Variants in HS6ST3 observed in about 807,000 individuals in gnomAD.
The protein encoded by HS6ST3 is heparan sulfate 6-O-sulfotransferase 3.
In HS6ST3, 12 loss-of-function variants were observed where a neutral mutation model predicts 36.7. That is an observed-to-expected ratio of 0.33 (90% CI 0.21 to 0.53). The LOEUF (loss-of-function observed/expected upper bound fraction) is 0.53, where lower values mean the gene tolerates loss of function less well. HS6ST3 is among the 20% of genes least tolerant of loss of function. The probability of loss-of-function intolerance (pLI) is 0.95; values close to 1 mark genes in which losing one functional copy is unlikely to be tolerated. For missense variants in HS6ST3, 584 were observed against 640.9 expected, an observed-to-expected ratio of 0.91 and a Z score of 0.96; for synonymous variants, 240 against 257.5, an observed-to-expected ratio of 0.93 and a Z score of 0.65.
intron 1 of HS6ST3, among the ~76,000 whole-genome samples, chr13:96,253,837 T>C (rs971300258): frequency 2.6e-5 from 4 of 152,234 alleles, no homozygotes; most frequent in Admixed American, 6.5e-5. Context: ...TGGGCTTTTC[T>C]ATGATGGGGC....
chr13:96,261,069 AT>A (rs1209566025), intron 1 of HS6ST3, among the ~76,000 whole-genome samples: 1 of 151,798 alleles, frequency 6.6e-6, no homozygotes, highest in African/African-American at 2.4e-5. Context: ...TGGTCATATT[AT>A]TTTTTTTATG....
At position 96,375,071 on chromosome 13, in the gene HS6ST3, C is replaced by T. The variant is rs745885680; in HGVS notation, c.707+283502C>T. ...GTAGCCATCTTGCTTCCATTCTTGT[C>T]CCTTCACTTAGAAAGCTCTCTCTTG... is the stretch of plus-strand genomic sequence containing the variant. On this transcript the variant is annotated intron_variant, in intron 1 of 1. Coordinates refer to ENST00000376705, the MANE Select transcript of HS6ST3 (RefSeq NM_153456.4). 6.2e-4 allele frequency among the ~76,000 whole-genome samples: 95 copies of T among 152,058 alleles called. 1 individual carries two copies. The highest frequency in any genetic ancestry group is 2.4e-4 in the Non-Finnish European group (16 of 67,994).
chr13:96,649,857 T>C (rs967920755), intron 1 of HS6ST3, among the ~76,000 whole-genome samples: 10 of 152,100 alleles, frequency 6.6e-5, no homozygotes, highest in African/African-American at 2.4e-4. Flanking sequence ...AAGTCTTTAC[T>C]ATGGCCTGTA....
At chr13:96,359,862 AG>A (rs2055228879) in intron 1 of HS6ST3, among the ~76,000 whole-genome samples, 1 of 152,218 alleles carries the variant, frequency 6.6e-6, no homozygotes, top group African/African-American at 2.4e-5. Flanking sequence ...ATTAGTTTCC[AG>A]CAGGAGTTGA....
At chr13:96,551,786 C>T (rs889289881) in intron 1 of HS6ST3, among the ~76,000 whole-genome samples, 3 of 152,146 alleles carry the variant, frequency 2.0e-5, no homozygotes, top group African/African-American at 4.8e-5. Context: ...CGCCACCCGC[C>T]GGAGCATACT....
intron 1 of HS6ST3, among the ~76,000 whole-genome samples, chr13:96,184,301 T>G (rs1287451269): frequency 6.6e-6 from 1 of 152,170 alleles, no homozygotes. Context: ...AAAAATTTTT[T>G]TAAGTCTTCT....
chr13:96,174,373 C>A (rs2054202875), intron 1 of HS6ST3, among the ~76,000 whole-genome samples: 2 of 151,944 alleles, frequency 1.3e-5, no homozygotes, highest in South Asian at 4.2e-4. Context: ...CACATCTTTC[C>A]CTCTTCCCTC....
intron 1 of HS6ST3, among the ~76,000 whole-genome samples, chr13:96,500,950 C>T (rs1233466596): frequency 5.3e-5 from 8 of 152,110 alleles, no homozygotes; most frequent in Non-Finnish European, 1.0e-4. Flanking sequence ...AGACAGATTA[C>T]AATTTATAAT....
intron 1 of HS6ST3, among the ~76,000 whole-genome samples, chr13:96,323,770 A>G (rs2055016474): frequency 6.6e-6 from 1 of 152,172 alleles, no homozygotes; most frequent in Non-Finnish European, 1.5e-5. Context: ...ATTTTGTGCA[A>G]CAATTATAAC....
intron 1 of HS6ST3, among the ~76,000 whole-genome samples, chr13:96,459,472 G>T (rs554223440): frequency 1.4e-4 from 21 of 151,950 alleles, no homozygotes; most frequent in Non-Finnish European, 2.5e-4. Flanking sequence ...AGAGTATAAC[G>T]CAATATGGAA....
At chr13:96,734,712 A>G (rs952123023) in intron 1 of HS6ST3, among the ~76,000 whole-genome samples, 1 of 152,186 alleles carries the variant, frequency 6.6e-6, no homozygotes, top group African/African-American at 2.4e-5. Flanking sequence ...CATCTCTTTA[A>G]TAAGATTATT....
At chr13:96,312,092 C>T (rs1019868074) in intron 1 of HS6ST3, among the ~76,000 whole-genome samples, 1 of 152,140 alleles carries the variant, frequency 6.6e-6, no homozygotes, top group Non-Finnish European at 1.5e-5. Context: ...CCTTAGTACC[C>T]AATGGGCACT....
In HS6ST3 at chr13:96,836,586, T is replaced by C. The variant is rs1482451684; in HGVS notation, c.*3388T>C. On this transcript the variant is annotated 3_prime_UTR_variant, in exon 2 of 2. Transcript: ENST00000376705. ...GGTAACTTTGTGATAATTAGTTTGATTAAAAGTTTGAAGTATGAGGACTCC... is the reference window on the plus strand; with the variant it reads ...GGTAACTTTGTGATAATTAGTTTGACTAAAAGTTTGAAGTATGAGGACTCC... 1 of 152,170 alleles carries C rather than the reference T, an allele frequency of 6.6e-6. No individual in the cohort carries two copies. The highest frequency in any genetic ancestry group is 6.5e-5 in the Admixed American group (1 of 15,280). The allele number at this position is 152,170 out of a possible 1,614,324, so 9.4% of individuals were successfully genotyped here. A position where few individuals can be genotyped will look rare whatever the true frequency, so the allele number is the denominator to read the frequency against.
At chr13:96,731,392 G>A (rs1242061621) in intron 1 of HS6ST3, among the ~76,000 whole-genome samples, 3 of 152,000 alleles carry the variant, frequency 2.0e-5, no homozygotes, top group Non-Finnish European at 4.4e-5. Context: ...TGTCCTTCAG[G>A]TTCATCCATG....
At chr13:96,136,383 C>T (rs531888717) in intron 1 of HS6ST3, among the ~76,000 whole-genome samples, 20 of 152,142 alleles carry the variant, frequency 1.3e-4, no homozygotes, top group Non-Finnish European at 2.1e-4. Context: ...GGAGCTTTTA[C>T]GCGTGGTGCA....
At chr13:96,291,723 A>G (rs2139399112) in intron 1 of HS6ST3, among the ~76,000 whole-genome samples, 1 of 152,324 alleles carries the variant, frequency 6.6e-6, no homozygotes, top group African/African-American at 2.4e-5. Context: ...ATGACTTAAA[A>G]CTGGAAAAAG....
chr13:96,341,250 T>A (rs2055128724), intron 1 of HS6ST3, among the ~76,000 whole-genome samples: 2 of 151,894 alleles, frequency 1.3e-5, no homozygotes. Context: ...CTCCAATTTT[T>A]AAAAAATATG....
chr13:96,172,566 A>G (rs1029914037), intron 1 of HS6ST3, among the ~76,000 whole-genome samples: 1 of 152,180 alleles, frequency 6.6e-6, no homozygotes, highest in Non-Finnish European at 1.5e-5. Context: ...ACATAGTAAC[A>G]CTTTATCAGT....
chr13:96,825,115 G>A (rs150088357), intron 1 of HS6ST3, among the ~76,000 whole-genome samples: 86 of 152,298 alleles, frequency 5.6e-4, no homozygotes, highest in African/African-American at 1.9e-3. Context: ...GCATAAAACT[G>A]TGGAGTGTGG....
Sources: gnomAD v4.1 joint callset for allele counts (sites outside exome capture counted in the v4.1 genomes callset) on GRCh38, gnomAD v4.1.1 for gene constraint, MANE v1.5 for transcripts, NCBI Gene and HGNC (gene_info 2026-07-23, HGNC 2026-07-21) for gene names.